Variants in DNA2 observed in about 807,000 individuals in gnomAD.
The protein encoded by DNA2 is DNA replication ATP-dependent helicase/nuclease DNA2.
A neutral mutation model predicts 119.1 loss-of-function variants in DNA2; 101 were observed. The observed-to-expected ratio is 0.85, with a 90% CI of 0.72 to 1.00. The LOEUF (loss-of-function observed/expected upper bound fraction) is 1.00, where lower values mean the gene tolerates loss of function less well. Ranked by LOEUF, DNA2 falls within the 50% of genes least tolerant of loss-of-function variation. The pLI is 0.00. For synonymous variants in DNA2, 366 were observed against 424.4 expected (o/e 0.86, Z 1.69); for missense variants, 1,121 against 1,255.5 (o/e 0.89, Z 1.62).
At chr10:68,445,947 C>A (rs944764244) in intron 7 of DNA2, among the ~76,000 whole-genome samples, 2 of 151,764 alleles carry the variant, frequency 1.3e-5, no homozygotes, top group Admixed American at 1.3e-4. Context: ...GCCAACATGG[C>A]GAAACCCCAT....
At chr10:68,429,037 A>G (rs1407642695) in intron 14 of DNA2, among the ~76,000 whole-genome samples, 5 of 152,310 alleles carry the variant, frequency 3.3e-5, no homozygotes, top group African/African-American at 9.6e-5. Flanking sequence ...TTTAATAAAA[A>G]TGTTAACCAG....
intron 9 of DNA2, among the ~76,000 whole-genome samples, chr10:68,441,335 T>TAAAAAA (rs35334686): frequency 1.7e-5 from 2 of 121,116 alleles, no homozygotes; most frequent in African/African-American, 3.0e-5. Context: ...CCCTGTCTCT[T>TAAAAAA]AAAAAAAAAA....
chr10:68,448,166 A>G (rs1213913008), intron 6 of DNA2, among the ~76,000 whole-genome samples: 2 of 152,052 alleles, frequency 1.3e-5, no homozygotes, highest in African/African-American at 4.8e-5. Context: ...TGTAGAGACT[A>G]TTTTCTCCAT....
chr10:68,424,717 A>G, intron 14 of DNA2: 1 of 1,600,022 alleles, frequency 6.2e-7, no homozygotes, highest in African/African-American at 1.3e-5. Context: ...CGCAAGGACG[A>G]CGAGGTCCAG....
upstream of DNA2, chr10:68,472,110 A>G (rs1038132298): frequency 2.6e-5 from 39 of 1,506,770 alleles, no homozygotes; most frequent in Non-Finnish European, 3.3e-5. Flanking sequence ...CTGGGAATAC[A>G]GGGAGTCTTC....
chr10:68,468,071 C>T (rs2052346917), intron 3 of DNA2, 52 bp downstream of exon 3: 1 of 1,288,164 alleles, frequency 7.8e-7, no homozygotes, highest in Non-Finnish European at 1.0e-6. Flanking sequence ...TGTAAAAGTG[C>T]TCTGTAAAAC....
chr10:68,418,330 T>A (rs1488085032), intron 19 of DNA2, among the ~76,000 whole-genome samples: 1 of 151,448 alleles, frequency 6.6e-6, no homozygotes, highest in Non-Finnish European at 1.5e-5. Context: ...AAGAGTCACT[T>A]GAACCTGGGA....
chr10:68,442,923 G>A lies in DNA2; in HGVS notation c.1409C>T (p.Ser470Leu), dbSNP rs1452743420. ...TACTAAATGGACCACTTACATTTCCGAAGCAGGCATTAGCCAGATATTTTG... is the reference window on the plus strand; with the variant it reads ...TACTAAATGGACCACTTACATTTCCAAAGCAGGCATTAGCCAGATATTTTG... The part of the protein sequence containing the change: ...NHQNIWLMPA[S>L]EMEKSGSCIG... Residue 470 changes from serine (S) to leucine (L), a missense_variant, in exon 9 of 21, where the codon TCG becomes TTG. Physicochemically the swap from Ser to Leu is moderately radical, Grantham distance 145. Transcript: ENST00000358410. The A allele has an allele frequency of 6.8e-6, 11 of 1,609,120 alleles. No homozygotes were observed. The highest frequency in any genetic ancestry group is 2.2e-5 in the East Asian group (1 of 44,786).
chr10:68,465,018 ATTT>A (rs200815175), intron 4 of DNA2, among the ~76,000 whole-genome samples: 11 of 126,780 alleles, frequency 8.7e-5, no homozygotes, highest in Non-Finnish European at 1.3e-4. Context: ...GTAAAGCTGC[ATTT>A]TTTTTTTTTT....
chr10:68,441,675 C>T (rs7899707), intron 9 of DNA2, among the ~76,000 whole-genome samples: 45,770 of 151,612 alleles, frequency 0.3, 8,236 homozygotes, highest in African/African-American at 0.49. Flanking sequence ...ACTTGAAGGC[C>T]GAGGCAGGAG....
chr10:68,465,608 T>G (rs992444446), intron 4 of DNA2, 59 bp downstream of exon 4: 21 of 1,300,116 alleles, frequency 1.6e-5, no homozygotes, highest in Non-Finnish European at 1.8e-5. Context: ...ACTTTATAGT[T>G]TCTAGGACAG....
intron 10 of DNA2, among the ~76,000 whole-genome samples, chr10:68,435,640 G>C (rs1041982062): frequency 1.3e-5 from 2 of 151,152 alleles, no homozygotes; most frequent in Non-Finnish European, 2.9e-5. Flanking sequence ...TGTATTTTTA[G>C]TAGAGACGGG....
chr10:68,431,207 T>A (rs2051815428), intron 13 of DNA2, among the ~76,000 whole-genome samples: 1 of 112,764 alleles, frequency 8.9e-6, no homozygotes, highest in Non-Finnish European at 1.7e-5. Context: ...CAAGACTCCA[T>A]CTCAAAAAAA....
intron 5 of DNA2, among the ~76,000 whole-genome samples, chr10:68,455,798 G>GCGA (rs2052174714): frequency 6.6e-6 from 1 of 152,008 alleles, no homozygotes; most frequent in Admixed American, 6.6e-5. Context: ...TTCAGCCTGA[G>GCGA]CGACAGAGCG....
chr10:68,469,539 C>T (rs1370043703), intron 2 of DNA2, among the ~76,000 whole-genome samples: 1 of 152,036 alleles, frequency 6.6e-6, no homozygotes, highest in African/African-American at 2.4e-5. Flanking sequence ...CTCAGCTCAC[C>T]ACAACCTCCA....
intron 3 of DNA2, among the ~76,000 whole-genome samples, chr10:68,467,361 G>A (rs891935538): frequency 2.6e-5 from 4 of 151,832 alleles, no homozygotes; most frequent in Non-Finnish European, 4.4e-5. Flanking sequence ...TGCTCACCTC[G>A]GCCTCTCAAA....
At chr10:68,470,756 G>A in intron 1 of DNA2, 1 of 327,874 alleles carries the variant, frequency 3.0e-6, no homozygotes, top group Non-Finnish European at 6.0e-6. Context: ...CTTATGTTAC[G>A]GAAAAGGGTA....
At chr10:68,421,823 T>TA (rs1554903359) in intron 17 of DNA2, among the ~76,000 whole-genome samples, 1 of 139,534 alleles carries the variant, frequency 7.2e-6, no homozygotes, top group Non-Finnish European at 1.5e-5. Flanking sequence ...TGCCTTTTTT[T>TA]TTCCCCCCAA....
At chr10:68,435,516 G>A (rs1450453279) in intron 10 of DNA2, among the ~76,000 whole-genome samples, 6 of 152,182 alleles carry the variant, frequency 3.9e-5, no homozygotes, top group Non-Finnish European at 2.9e-5. Flanking sequence ...GAGGGCAGTG[G>A]TGCAATCTCG....
Sources: gnomAD v4.1 joint callset for allele counts (sites outside exome capture counted in the v4.1 genomes callset) on GRCh38, gnomAD v4.1.1 for gene constraint, MANE v1.5 for transcripts, NCBI Gene and HGNC (gene_info 2026-07-23, HGNC 2026-07-21) for gene names.